Variants in GNE observed in about 807,000 individuals in gnomAD.
GNE encodes the protein glucosamine (UDP-N-acetyl)-2-epimerase/N-acetylmannosamine kinase, also known as bifunctional UDP-N-acetylglucosamine 2-epimerase/N-acetylmannosamine kinase.
A neutral mutation model predicts 61.8 loss-of-function variants in GNE; 41 were observed. The observed-to-expected ratio is 0.66, with a 90% CI of 0.52 to 0.86. The LOEUF (loss-of-function observed/expected upper bound fraction) is 0.86, where lower values mean the gene tolerates loss of function less well. GNE is among the 40% of genes least tolerant of loss of function. The pLI is 0.00. For synonymous variants in GNE, 264 were observed against 326.4 expected, an observed-to-expected ratio of 0.81 and a Z score of 2.06; for missense variants, 608 against 909.1, an observed-to-expected ratio of 0.67 and a Z score of 4.26.
At chr9:36,273,542 G>T (rs1831125338) in intron 1 of GNE, among the ~76,000 whole-genome samples, 1 of 151,670 alleles carries the variant, frequency 6.6e-6, no homozygotes, top group Non-Finnish European at 1.5e-5. Context: ...TACGTGTTTT[G>T]AAATACACTG....
chr9:36,263,203 C>A, upstream of GNE: 1 of 149,932 alleles, frequency 6.7e-6, no homozygotes, highest in Non-Finnish European at 1.5e-5. Context: ...GACAGGGTTT[C>A]ACTCTTGCCC....
intron 3 of GNE, among the ~76,000 whole-genome samples, chr9:36,238,065 TATAG>T (rs1480298663): frequency 6.7e-6 from 1 of 149,276 alleles, no homozygotes; most frequent in Non-Finnish European, 1.5e-5. Flanking sequence ...TGTAGATATA[TATAG>T]ATACACACAC....
At chr9:36,224,283 A>T (rs893011993) in intron 7 of GNE, among the ~76,000 whole-genome samples, 1 of 151,762 alleles carries the variant, frequency 6.6e-6, no homozygotes, top group Non-Finnish European at 1.5e-5. Flanking sequence ...CTCTACAAAA[A>T]ATTAGCCAGG....
At chr9:36,266,443 T>G (rs1830792972) in intron 1 of GNE, among the ~76,000 whole-genome samples, 1 of 152,228 alleles carries the variant, frequency 6.6e-6, no homozygotes, top group Non-Finnish European at 1.5e-5. Context: ...GGGAAAGCAA[T>G]TCTTTTCTCC....
At chr9:36,226,761 C>T (rs1263397504) in intron 7 of GNE, among the ~76,000 whole-genome samples, 1 of 152,160 alleles carries the variant, frequency 6.6e-6, no homozygotes, top group African/African-American at 2.4e-5. Flanking sequence ...CACCTGTCAA[C>T]ACTGGGTGAT....
At chr9:36,263,676 C>T (rs1317674755) in intron 1 of GNE, among the ~76,000 whole-genome samples, 1 of 152,148 alleles carries the variant, frequency 6.6e-6, no homozygotes, top group Admixed American at 6.5e-5. Flanking sequence ...CATTATTTGG[C>T]ACAAATTTTT....
chr9:36,276,967 C>T, exon 1 of GNE: 2 of 1,613,172 alleles, frequency 1.2e-6, no homozygotes, highest in Non-Finnish European at 1.7e-6. Flanking sequence ...GCTCTGTACC[C>T]TAGTGTGGTT....
chr9:36,244,513 C>T (rs1202262930), intron 3 of GNE, among the ~76,000 whole-genome samples: 1 of 152,138 alleles, frequency 6.6e-6, no homozygotes, highest in Non-Finnish European at 1.5e-5. Context: ...CAAAGATATA[C>T]TCTAAGGCTA....
At chr9:36,241,947 C>T (rs926657635) in intron 3 of GNE, among the ~76,000 whole-genome samples, 5 of 151,894 alleles carry the variant, frequency 3.3e-5, no homozygotes, top group East Asian at 1.9e-4. Flanking sequence ...ACGAACTTGG[C>T]GAACATGATG....
At chr9:36,253,658 A>C (rs1416253706) in intron 1 of GNE, among the ~76,000 whole-genome samples, 1 of 152,188 alleles carries the variant, frequency 6.6e-6, no homozygotes, top group African/African-American at 2.4e-5. Flanking sequence ...GAAATATCAA[A>C]TCTAAAAGTG....
rs895529985 is a variant in GNE at position 36,248,055 on chromosome 9, G to C, written c.164+1137C>G. Among the ~76,000 whole-genome samples, 5 of 149,482 alleles carry C rather than the reference G, an allele frequency of 3.3e-5. No individual in the cohort carries two copies. The East Asian group carries it at 7.8e-4, about 23-fold the overall frequency. On this transcript the variant is annotated intron_variant, in intron 2 of 11. Coordinates refer to ENST00000642385, the MANE Select transcript of GNE (RefSeq NM_005476.7). ...AAAAAAAAAAAAAAAAAAAATCTGT[G>C]GATCCCTGAGCTATCCATTAAGTTT... is the stretch of plus-strand genomic sequence containing the variant.
intron 1 of GNE, among the ~76,000 whole-genome samples, chr9:36,255,915 A>T (rs2133153224): frequency 6.6e-6 from 1 of 152,200 alleles, no homozygotes; most frequent in Non-Finnish European, 1.5e-5. Flanking sequence ...ATCGCTGAAA[A>T]ACCCAATTCT....
chr9:36,228,302 CAA>C (rs1451902896), intron 6 of GNE, among the ~76,000 whole-genome samples: 1 of 151,208 alleles, frequency 6.6e-6, no homozygotes, highest in African/African-American at 2.4e-5. Flanking sequence ...TCTGAGAAAA[CAA>C]AATTATTTTC....
intron 11 of GNE, 151 bp from the exon 12 acceptor site, chr9:36,217,751 ATTCT>A: frequency 1.5e-6 from 1 of 680,722 alleles, no homozygotes; most frequent in Non-Finnish European, 2.7e-6. Flanking sequence ...TTCACGGTTG[ATTCT>A]TAATATGAGA....
intron 7 of GNE, among the ~76,000 whole-genome samples, chr9:36,227,033 C>CT (rs1330437081): frequency 6.6e-6 from 1 of 152,082 alleles, no homozygotes; most frequent in Non-Finnish European, 1.5e-5. Flanking sequence ...TCAAGTCTAC[C>CT]GTCTTGGATT....
chr9:36,257,242 A>G (rs1054700010), intron 1 of GNE, among the ~76,000 whole-genome samples: 3 of 152,152 alleles, frequency 2.0e-5, no homozygotes, highest in Admixed American at 1.3e-4. Flanking sequence ...ATAAACATCC[A>G]TGAGTACAAA....
intron 1 of GNE, among the ~76,000 whole-genome samples, chr9:36,253,077 A>C (rs2133141596): frequency 6.6e-6 from 1 of 152,112 alleles, no homozygotes; most frequent in Admixed American, 6.6e-5. Flanking sequence ...CAGGAGAATC[A>C]CTTGAACACA....
rs769940520 is a variant in GNE, at chr9:36,222,766, A to G, written c.1633+11T>C. 1.9e-6 allele frequency: 3 copies of G among 1,573,786 alleles called. No homozygotes were observed. Among genetic ancestry groups the G allele is most frequent in the African/African-American group, 2.7e-5 (2 of 74,136 alleles). On this transcript the variant is annotated intron_variant, in intron 9 of 11. Transcript: ENST00000642385. Reference sequence around the variant, plus strand: ...CTAGCTCCTGAACCAACCTCCCCCTACCCCTCTTACCTGTGCCTGTGATAA... The same window carrying G: ...CTAGCTCCTGAACCAACCTCCCCCTGCCCCTCTTACCTGTGCCTGTGATAA...
intron 2 of GNE, among the ~76,000 whole-genome samples, chr9:36,248,280 T>A (rs1829982015): frequency 6.6e-6 from 1 of 151,988 alleles, no homozygotes; most frequent in African/African-American, 2.4e-5. Flanking sequence ...TCAAGATGTA[T>A]GTAATACGCC....
Sources: allele counts gnomAD v4.1 joint callset (sites outside exome capture counted in the v4.1 genomes callset), GRCh38; gene constraint gnomAD v4.1.1; transcripts MANE v1.5; gene names NCBI Gene and HGNC (gene_info 2026-07-23, HGNC 2026-07-21).